The following PCDHA3 variants were observed in gnomAD, a reference collection of about 807,000 sequenced individuals.
PCDHA3 encodes the protein protocadherin alpha 3.
A neutral mutation model predicts 62.2 loss-of-function variants in PCDHA3; 41 were observed. The ratio of observed to expected loss-of-function variants is 0.66; its 90% CI spans 0.51 to 0.86. PCDHA3 has a LOEUF of 0.86. Among genes scored for constraint, PCDHA3 ranks in the 40% least tolerant of loss-of-function variants. PCDHA3 has a pLI of 0.00. For missense variants in PCDHA3, 1,304 were observed against 1,241.2 expected (o/e 1.05, Z -0.76); for synonymous variants, 640 against 555.4 (o/e 1.15, Z -2.14).
chr5:141,009,060 G>C (rs1192687086), intron 3 of PCDHA3, among the ~76,000 whole-genome samples: 4 of 152,176 alleles, frequency 2.6e-5, no homozygotes, highest in Non-Finnish European at 5.9e-5. Context: ...AATCACAACT[G>C]TATTCTTTAG....
At chr5:140,965,521 G>T (rs1554227745) in intron 1 of PCDHA3, among the ~76,000 whole-genome samples, 1 of 150,834 alleles carries the variant, frequency 6.6e-6, no homozygotes, top group African/African-American at 2.4e-5. Flanking sequence ...TAACTGCAAA[G>T]CATTAATGGA....
chr5:140,809,353 G>T, intron 1 of PCDHA3: 1 of 1,614,034 alleles, frequency 6.2e-7, no homozygotes, highest in South Asian at 1.1e-5. Flanking sequence ...CCGCGCTGCG[G>T]TGCTCTGCGC....
rs1377792748 is a variant in PCDHA3 at position 140,968,353 on chromosome 5, C to T, written c.2395-10596C>T. ...ATGTCTCCATTAACAGTGCCAGTGGCAGCCTTTATGCTGTCAACTCCTTTG... is the reference window on the plus strand; with the variant it reads ...ATGTCTCCATTAACAGTGCCAGTGGTAGCCTTTATGCTGTCAACTCCTTTG... On this transcript the variant is annotated intron_variant, in intron 1 of 3. Coordinates refer to ENST00000522353, the MANE Select transcript of PCDHA3 (RefSeq NM_018906.3). 1.9e-6 allele frequency: 3 copies of T among 1,613,988 alleles called. No individual in the cohort carries two copies. In the African/African-American group the frequency reaches 4.0e-5, roughly 22 times the overall value.
At chr5:140,834,131 C>G (rs2150213699) in intron 1 of PCDHA3, 104 of 446,322 alleles carry the variant, frequency 2.3e-4, no homozygotes, top group Admixed American at 1.8e-3. Context: ...AACTTTTCAT[C>G]TGATTAATAG....
chr5:140,877,607 T>C (rs782533203), intron 1 of PCDHA3: 5 of 1,613,712 alleles, frequency 3.1e-6, no homozygotes. Flanking sequence ...AGCCTGCTGG[T>C]GCTCACGCTG....
intron 3 of PCDHA3, chr5:140,989,128 G>T (rs2097330831): frequency 1.3e-5 from 2 of 152,178 alleles, no homozygotes; most frequent in Non-Finnish European, 2.9e-5. Flanking sequence ...AGAAAAATAA[G>T]ACACTTTATC....
In PCDHA3 at chr5:140,853,190, C is replaced by A. The variant is rs1013741160; in HGVS notation, c.2394+49599C>A. On this transcript the variant is annotated intron_variant, in intron 1 of 3. Transcript: ENST00000522353. ...CACCGCGCCTGGCCTAAAATGTGTT[C>A]TTTATTATTGACGGCTGTATTGATG... is the stretch of plus-strand genomic sequence containing the variant. 7.1e-6 allele frequency: 7 copies of A among 980,440 alleles called. No individual in the cohort carries two copies. In the African/African-American group the frequency reaches 1.2e-4, roughly 17 times the overall value. The allele number at this position is 980,440 out of a possible 1,614,324, so 60.7% of individuals were successfully genotyped here.
chr5:140,821,664 A>G, intron 1 of PCDHA3: 1 of 1,232,770 alleles, frequency 8.1e-7, no homozygotes, highest in East Asian at 2.5e-5. Context: ...GGCTGTGCCA[A>G]GAAGCTCAGA....
chr5:140,820,224 A>G lies in PCDHA3; in HGVS notation c.2394+16633A>G, dbSNP rs148146018. The stretch of plus-strand genomic sequence containing the variant: ...ACGATCCAAATATTAGTGAAAAGTC[A>G]TGATAATAGAGATAGTAAAAATCTT... On this transcript the variant is annotated intron_variant, in intron 1 of 3. Coordinates refer to ENST00000522353, the MANE Select transcript of PCDHA3 (RefSeq NM_018906.3). 1.9e-3 allele frequency among the ~76,000 whole-genome samples: 290 copies of G among 152,128 alleles called. 1 individual carries two copies. The highest frequency in any genetic ancestry group is 6.5e-3 in the African/African-American group (271 of 41,580).
rs782079089 is a variant in PCDHA3, at chr5:141,009,663, C to T, written c.2579C>T (p.Ala860Val). 4 of 1,614,034 alleles carry T rather than the reference C, an allele frequency of 2.5e-6. No individual in the cohort carries two copies. Among genetic ancestry groups the T allele is most frequent in the East Asian group, 2.2e-5 (1 of 44,876 alleles). ...GGAGAAGTGTCCCCTCCAGTCGGTG[C>T]GGGTGTCAACAGCAACAGCTGGACC... Reference protein sequence around the residue: ...EAGEVSPPVGAGVNSNSWTFK... With the variant: ...EAGEVSPPVGVGVNSNSWTFK... Residue 860 changes from alanine to valine, a missense_variant, in exon 4 of 4, where the codon GCG (alanine) becomes GTG (valine). Transcript: ENST00000522353.
chr5:140,961,326 G>T (rs1450202899), intron 1 of PCDHA3, among the ~76,000 whole-genome samples: 1 of 152,154 alleles, frequency 6.6e-6, no homozygotes, highest in Admixed American at 6.5e-5. Flanking sequence ...TCTGTTTCTT[G>T]AGAGACCAAG....
intron 1 of PCDHA3, chr5:140,841,073 G>A: frequency 2.0e-6 from 1 of 498,500 alleles, no homozygotes; most frequent in East Asian, 3.4e-5. Context: ...TAAAGAAATA[G>A]AAAGTGCATA....
Position 140,843,067 on chromosome 5 carries a change from G to A in PCDHA3, c.2394+39476G>A, listed in dbSNP as rs143344890. 15 of 1,595,152 alleles carry A rather than the reference G, an allele frequency of 9.4e-6. 1 individual carries two copies. The African/African-American group carries it at 2.0e-4, about 21-fold the overall frequency. ...GTGGCGCAGCGAGCAAGCTGGTGCC[G>A]CGGTCTGTGGGCGCGGGCCACGTGG... On this transcript the variant is annotated intron_variant, in intron 1 of 3. Coordinates refer to ENST00000522353, the MANE Select transcript of PCDHA3 (RefSeq NM_018906.3).
At position 140,848,822 on chromosome 5, in the gene PCDHA3, CG is replaced by C. The variant is rs2150421614; in HGVS notation, c.2394+45232del. ...AGTGCAGCATCCACCTGGAGGTGAT[CG>C]TAGACAGGCCGCTGCAGGTTTTCCA... is the stretch of plus-strand genomic sequence containing the variant. On this transcript the variant is annotated intron_variant, in intron 1 of 3. Coordinates refer to ENST00000522353, the MANE Select transcript of PCDHA3 (RefSeq NM_018906.3). 4.4e-6 allele frequency: 7 copies of C among 1,590,462 alleles called. 1 individual carries two copies. Among genetic ancestry groups the C allele is most frequent in the Admixed American group, 3.4e-5 (2 of 58,802 alleles).
intron 3 of PCDHA3, among the ~76,000 whole-genome samples, chr5:141,007,447 A>T (rs2153992021): frequency 6.6e-6 from 1 of 151,258 alleles, no homozygotes; most frequent in South Asian, 2.1e-4. Flanking sequence ...ATGTGCCTGT[A>T]GTCCCAGCTA....
chr5:140,808,301 A>G (rs782259868), intron 1 of PCDHA3: 2 of 1,614,240 alleles, frequency 1.2e-6, no homozygotes, highest in South Asian at 2.2e-5. Flanking sequence ...CATCGCCCTG[A>G]TCAGCGTGTC....
intron 1 of PCDHA3, chr5:140,836,375 C>T (rs2150258961): frequency 4.3e-6 from 7 of 1,613,712 alleles, no homozygotes; most frequent in South Asian, 1.1e-5. Context: ...CCACAGCCAC[C>T]GTGCTGGTGT....
intron 1 of PCDHA3, among the ~76,000 whole-genome samples, chr5:140,905,257 C>T (rs920530176): frequency 6.6e-6 from 1 of 152,168 alleles, no homozygotes; most frequent in African/African-American, 2.4e-5. Context: ...CCACATGAGG[C>T]TTGGCAGTTA....
At chr5:140,866,557 A>G (rs1554160392) in intron 1 of PCDHA3, 1 of 152,136 alleles carries the variant, frequency 6.6e-6, no homozygotes, top group Non-Finnish European at 1.5e-5. Context: ...TAAATCCTAT[A>G]ATTTTGTTAA....
Sources: gnomAD v4.1 joint callset for allele counts (sites outside exome capture counted in the v4.1 genomes callset) on GRCh38, gnomAD v4.1.1 for gene constraint, MANE v1.5 for transcripts, NCBI Gene and HGNC (gene_info 2026-07-23, HGNC 2026-07-21) for gene names.